MAP3K7: variants seen among roughly 807,000 people sequenced by gnomAD.
MAP3K7 encodes mitogen-activated protein kinase kinase kinase 7, also known as TGF-beta activated kinase 1.
MAP3K7 carries 21 observed loss-of-function variants against 84.8 expected under a neutral mutation model. That is an observed-to-expected ratio of 0.25 (90% CI 0.18 to 0.36). MAP3K7 has a LOEUF of 0.36. Ranked by LOEUF, MAP3K7 falls within the 10% of genes least tolerant of loss-of-function variation. The pLI, the probability that MAP3K7 is intolerant of heterozygous loss-of-function variation, is 1.00. For synonymous variants in MAP3K7, 241 were observed against 247.7 expected (o/e 0.97, Z 0.25); for missense variants, 503 against 747.7 (o/e 0.67, Z 3.82).
chr6:90,555,994 C>T (rs1195544755), intron 6 of MAP3K7, among the ~76,000 whole-genome samples: 1 of 152,066 alleles, frequency 6.6e-6, no homozygotes, highest in Admixed American at 6.5e-5. Flanking sequence ...AGCAAAATTA[C>T]CAACAAAAAT....
chr6:90,545,797 G>A (rs1414861380), intron 11 of MAP3K7, among the ~76,000 whole-genome samples: 1 of 152,156 alleles, frequency 6.6e-6, no homozygotes, highest in Admixed American at 6.5e-5. Flanking sequence ...AAAGAGGGCA[G>A]ATCTCCTCTT....
intron 1 of MAP3K7, among the ~76,000 whole-genome samples, chr6:90,578,295 C>T (rs926816712): frequency 2.6e-5 from 4 of 152,098 alleles, no homozygotes; most frequent in African/African-American, 9.7e-5. Flanking sequence ...TTTTTTGAGA[C>T]AGGGTCTCAC....
chr6:90,530,137 C>T (rs1019381034), intron 13 of MAP3K7, among the ~76,000 whole-genome samples: 2 of 152,190 alleles, frequency 1.3e-5, no homozygotes, highest in African/African-American at 4.8e-5. Context: ...ATAGTTATAA[C>T]TGCTATTATA....
intron 14 of MAP3K7, among the ~76,000 whole-genome samples, chr6:90,519,878 G>A (rs367900868): frequency 9.2e-5 from 14 of 152,086 alleles, no homozygotes; most frequent in African/African-American, 3.1e-4. Flanking sequence ...CGAGATGTTG[G>A]TGATGAGAGT....
rs1222471287 is a variant in MAP3K7, at chr6:90,515,037, T to C, written c.*1464A>G. 1 of 152,054 alleles carries C rather than the reference T, an allele frequency of 6.6e-6. No homozygotes were observed. Among genetic ancestry groups the C allele is most frequent in the Non-Finnish European group, 1.5e-5 (1 of 67,960 alleles). 9.4% of individuals were successfully genotyped at this position (152,054 alleles called of 1,614,324 possible). ...GAGGAAAAAATAATGGAAGAAAAAG[T>C]TACCTGCTTTAGCATTTTAAAGAAT... On this transcript the variant is annotated 3_prime_UTR_variant, in exon 17 of 17. Coordinates refer to ENST00000369329, the MANE Select transcript of MAP3K7 (RefSeq NM_145331.3).
At chr6:90,547,443 T>C in intron 10 of MAP3K7, 56 bp from the exon 11 acceptor site, 1 of 1,582,136 alleles carries the variant, frequency 6.3e-7, no homozygotes, top group Admixed American at 1.9e-5. Context: ...TTAGCAATCT[T>C]AGGCAACCTA....
chr6:90,563,581 A>C (rs1776596356), intron 3 of MAP3K7, among the ~76,000 whole-genome samples: 1 of 152,244 alleles, frequency 6.6e-6, no homozygotes, highest in South Asian at 2.1e-4. Context: ...GAAAAGACCA[A>C]ATCTACATCT....
chr6:90,560,158 AC>A lies in MAP3K7; in HGVS notation c.399del (p.Trp133CysfsTer20). On this transcript the variant is annotated frameshift_variant, in exon 5 of 17. Coordinates refer to ENST00000369329, the MANE Select transcript of MAP3K7 (RefSeq NM_145331.3). LOFTEE classifies it high-confidence loss of function. ...PYYTAAHAMS[W>X]CLQCSQGVAY... The stretch of plus-strand genomic sequence containing the variant: ...GCCACTCCTTGGGAACACTGTAAAC[AC>A]CAACTCATTGCGTGGGCAGCAGTAT... 6.2e-7 allele frequency: 1 copy of A among 1,614,234 alleles called. No individual in the cohort carries two copies. Among genetic ancestry groups the A allele is most frequent in the Non-Finnish European group, 8.5e-7 (1 of 1,180,040 alleles).
chr6:90,548,457 A>T (rs1305070195), intron 9 of MAP3K7, among the ~76,000 whole-genome samples: 1 of 152,186 alleles, frequency 6.6e-6, no homozygotes, highest in Non-Finnish European at 1.5e-5. Flanking sequence ...ATTAATTGAG[A>T]TGCGGAAAGA....
In MAP3K7 at chr6:90,536,338, T is replaced by C; in HGVS notation, c.1355A>G (p.Gln452Arg). ...DLTVTGTEPG[Q>R]VSSRSSSPSV... ...TAGAAAATTTGAATGTTGTCTTACC[T>C]GACCAGGTTCTGTTCCAGTTACAGT... Residue 452 changes from glutamine (Q) to arginine (R), a missense_variant and splice_region_variant, in exon 13 of 17, where the codon CAG becomes CGG. Gln to Arg is a conservative substitution (Grantham distance 43). Around this residue, in one of 5 missense-constraint regions of MAP3K7, gnomAD observed 286 missense variants for 313.6 expected, o/e 0.91. Transcript: ENST00000369329. 4.3e-6 allele frequency: 7 copies of C among 1,610,612 alleles called. No individual in the cohort carries two copies. The highest frequency in any genetic ancestry group is 5.1e-6 in the Non-Finnish European group (6 of 1,177,164).
Position 90,514,938 on chromosome 6 carries a change from G to A in MAP3K7, c.*1563C>T, listed in dbSNP as rs1281847105. 2 of 151,938 alleles carry A rather than the reference G, an allele frequency of 1.3e-5. No homozygotes were observed. The highest frequency in any genetic ancestry group is 6.6e-5 in the Admixed American group (1 of 15,218). 9.4% of individuals were successfully genotyped at this position (151,938 alleles called of 1,614,324 possible). On this transcript the variant is annotated 3_prime_UTR_variant, in exon 17 of 17. Transcript: ENST00000369329. ...GCTTTCTAAAATAGCTTTTGAAGAA[G>A]CTAAAAATAACAGTTTAGTATTCAC...
intron 16 of MAP3K7, among the ~76,000 whole-genome samples, chr6:90,517,126 T>C (rs560517884): frequency 2.6e-5 from 4 of 151,924 alleles, no homozygotes; most frequent in South Asian, 4.1e-4. Context: ...AATAGCAAAT[T>C]TGCAATCTAA....
intron 14 of MAP3K7, among the ~76,000 whole-genome samples, chr6:90,523,108 T>TA (rs1165765625): frequency 6.6e-6 from 1 of 152,168 alleles, no homozygotes; most frequent in Non-Finnish European, 1.5e-5. Flanking sequence ...TGTGAACAGT[T>TA]AGTTATTCAT....
chr6:90,519,594 CTTAA>C (rs1392669614), intron 14 of MAP3K7, among the ~76,000 whole-genome samples: 3 of 152,048 alleles, frequency 2.0e-5, no homozygotes, highest in Admixed American at 2.0e-4. Context: ...CTTCTAAGCT[CTTAA>C]TTAAAAACAA....
intron 1 of MAP3K7, among the ~76,000 whole-genome samples, chr6:90,577,545 T>C (rs1045258407): frequency 6.6e-6 from 1 of 152,126 alleles, no homozygotes; most frequent in African/African-American, 2.4e-5. Context: ...GTTCAACATT[T>C]AGATCACAAG....
chr6:90,557,050 A>G (rs550384320), intron 5 of MAP3K7, among the ~76,000 whole-genome samples: 1 of 152,314 alleles, frequency 6.6e-6, no homozygotes, highest in Admixed American at 6.5e-5. Context: ...ATATAGAAGG[A>G]AAAAAATGGT....
intron 1 of MAP3K7, among the ~76,000 whole-genome samples, chr6:90,584,497 C>A (rs1044989663): frequency 3.9e-5 from 6 of 152,142 alleles, no homozygotes; most frequent in African/African-American, 1.4e-4. Context: ...TTCCTAAACA[C>A]ACACACACCC....
Position 90,586,783 on chromosome 6 carries a change from T to C in MAP3K7, c.101A>G (p.Lys34Arg), listed in dbSNP as rs1363754782. 5.6e-6 allele frequency: 9 copies of C among 1,605,296 alleles called. No individual in the cohort carries two copies. The highest frequency in any genetic ancestry group is 6.8e-6 in the Non-Finnish European group (8 of 1,176,378). Residue 34 changes from lysine to arginine, a missense_variant, in exon 1 of 17, where the codon AAG (lysine) becomes AGG (arginine). Lys to Arg is a conservative substitution (Grantham distance 26). Coordinates refer to ENST00000369329, the MANE Select transcript of MAP3K7 (RefSeq NM_145331.3). ...GCTCACCTCTTCCACCTCGATCTCC[T>C]TGTAGTCGATCTCTTCAAAGTTGAG... ...QVLNFEEIDY[K>R]EIEVEEVVGR...
At chr6:90,519,804 T>C (rs1775089061) in intron 14 of MAP3K7, among the ~76,000 whole-genome samples, 1 of 152,066 alleles carries the variant, frequency 6.6e-6, no homozygotes, top group South Asian at 2.1e-4. Flanking sequence ...TTTCAATTTA[T>C]ATAGATTATA....
Sources: allele counts gnomAD v4.1 joint callset (sites outside exome capture counted in the v4.1 genomes callset), GRCh38; gene constraint gnomAD v4.1.1; regional missense constraint gnomAD v4.1.1; transcripts MANE v1.5; gene names NCBI Gene and HGNC (gene_info 2026-07-23, HGNC 2026-07-21).